Variants in ANO3 observed in about 807,000 individuals in gnomAD.
ANO3 encodes the protein anoctamin 3, also known as anoctamin-3.
ANO3 carries 99 observed loss-of-function variants against 144.8 expected under a neutral mutation model. The observed-to-expected ratio is 0.68, with a 90% CI of 0.58 to 0.81. ANO3 has a LOEUF of 0.81. Among genes scored for constraint, ANO3 ranks in the 30% least tolerant of loss-of-function variants. The pLI, the probability that ANO3 is intolerant of heterozygous loss-of-function variation, is 0.00. For synonymous variants in ANO3, 414 were observed against 392.6 expected (o/e 1.05, Z -0.64); for missense variants, 905 against 1,202.2 (o/e 0.75, Z 3.66).
At chr11:26,507,103 GA>G (rs1216581744) in intron 4 of ANO3, among the ~76,000 whole-genome samples, 1 of 152,202 alleles carries the variant, frequency 6.6e-6, no homozygotes, top group Non-Finnish European at 1.5e-5. Flanking sequence ...GGAGGCAGAA[GA>G]AATTGGGTTC....
chr11:26,350,640 AT>A (rs1433693005), intron 1 of ANO3, among the ~76,000 whole-genome samples: 1 of 152,080 alleles, frequency 6.6e-6, no homozygotes, highest in East Asian at 1.9e-4. Context: ...AGTTATATAT[AT>A]TTTGATATAA....
intron 1 of ANO3, among the ~76,000 whole-genome samples, chr11:26,267,778 A>G (rs1338021769): frequency 2.0e-5 from 3 of 152,144 alleles, no homozygotes; most frequent in Non-Finnish European, 4.4e-5. Flanking sequence ...TTATTTACAT[A>G]ATATTCCCTT....
chr11:26,580,765 T>C (rs1379946338), intron 14 of ANO3, among the ~76,000 whole-genome samples: 1 of 152,210 alleles, frequency 6.6e-6, no homozygotes, highest in Non-Finnish European at 1.5e-5. Context: ...CATAATCTTA[T>C]GAGTTTTGCC....
At chr11:26,542,198 C>A in intron 11 of ANO3, 130 bp downstream of exon 11, 2 of 990,382 alleles carry the variant, frequency 2.0e-6, no homozygotes, top group Non-Finnish European at 2.8e-6. Context: ...TAAGATTTTT[C>A]AGTAAAAGAA....
intron 17 of ANO3, among the ~76,000 whole-genome samples, chr11:26,603,737 G>C (rs1851861872): frequency 6.6e-6 from 1 of 152,026 alleles, no homozygotes; most frequent in South Asian, 2.1e-4. Flanking sequence ...TCCCTCAATA[G>C]TGAGAAAAAA....
At chr11:26,518,478 T>C (rs983665549) in intron 6 of ANO3, among the ~76,000 whole-genome samples, 2 of 152,080 alleles carry the variant, frequency 1.3e-5, no homozygotes, top group African/African-American at 4.8e-5. Context: ...CCTTTGTTTT[T>C]TCATAGTGGG....
intron 26 of ANO3, among the ~76,000 whole-genome samples, chr11:26,660,036 T>C (rs957062372): frequency 4.6e-5 from 7 of 152,180 alleles, no homozygotes; most frequent in African/African-American, 1.7e-4. Flanking sequence ...TATCAACATG[T>C]TGCAGCAATA....
chr11:26,196,765 G>A (rs899885811), intron 1 of ANO3, among the ~76,000 whole-genome samples: 1 of 152,108 alleles, frequency 6.6e-6, no homozygotes, highest in African/African-American at 2.4e-5. Flanking sequence ...CAGTCACATA[G>A]ATTTGAACTG....
At chr11:26,199,199 T>A (rs908997546) in intron 1 of ANO3, among the ~76,000 whole-genome samples, 1 of 152,056 alleles carries the variant, frequency 6.6e-6, no homozygotes, top group Non-Finnish European at 1.5e-5. Flanking sequence ...TCTAACAAAC[T>A]GTGGCCTTGA....
intron 4 of ANO3, among the ~76,000 whole-genome samples, chr11:26,471,585 CA>C (rs1859785256): frequency 6.6e-6 from 1 of 151,586 alleles, no homozygotes; most frequent in South Asian, 2.1e-4. Context: ...CCACCACCAT[CA>C]CAAAACAAAT....
At chr11:26,385,903 T>TATATATATATATATATATATATA (rs58078292) in intron 1 of ANO3, among the ~76,000 whole-genome samples, 100 of 148,858 alleles carry the variant, frequency 6.7e-4, no homozygotes, top group Non-Finnish European at 1.2e-3. Flanking sequence ...GTATATATAT[T>TATATATATATATATATATATATA]TATATACATA....
chr11:26,300,594 G>A (rs996525803), intron 1 of ANO3, among the ~76,000 whole-genome samples: 1 of 152,090 alleles, frequency 6.6e-6, no homozygotes, highest in Non-Finnish European at 1.5e-5. Context: ...CAGATAAAAA[G>A]GATTGGCCCA....
intron 1 of ANO3, among the ~76,000 whole-genome samples, chr11:26,400,938 G>C (rs1476900993): frequency 6.6e-6 from 1 of 151,468 alleles, no homozygotes; most frequent in Non-Finnish European, 1.5e-5. Context: ...AAAATACCAA[G>C]TTGCTTCCAT....
intron 1 of ANO3, among the ~76,000 whole-genome samples, chr11:26,352,730 T>G (rs1032629112): frequency 1.3e-5 from 2 of 152,374 alleles, no homozygotes; most frequent in East Asian, 1.9e-4. Context: ...ATCACTAGTT[T>G]GTTGACTTAC....
At chr11:26,498,133 T>A (rs1054182574) in intron 4 of ANO3, among the ~76,000 whole-genome samples, 1 of 152,050 alleles carries the variant, frequency 6.6e-6, no homozygotes, top group African/African-American at 2.4e-5. Context: ...GAATCACCAG[T>A]TCAATTTAAT....
At chr11:26,472,293 TTAATAA>T (rs145147372) in intron 4 of ANO3, among the ~76,000 whole-genome samples, 1 of 151,930 alleles carries the variant, frequency 6.6e-6, no homozygotes, top group Admixed American at 6.6e-5. Flanking sequence ...AGTTTCAATA[TTAATAA>T]TAATAATGTT....
At chr11:26,250,031 C>G (rs1212217079) in intron 1 of ANO3, among the ~76,000 whole-genome samples, 4 of 152,188 alleles carry the variant, frequency 2.6e-5, no homozygotes, top group Admixed American at 2.6e-4. Flanking sequence ...ACATCACTGT[C>G]CCTGTCGCTT....
At chr11:26,554,271 T>C (rs928398049) in intron 13 of ANO3, among the ~76,000 whole-genome samples, 1 of 152,196 alleles carries the variant, frequency 6.6e-6, no homozygotes, top group Non-Finnish European at 1.5e-5. Context: ...ATAGATCATT[T>C]TTATTGCTGA....
At chr11:26,587,326 CTA>C (rs954675869) in intron 14 of ANO3, among the ~76,000 whole-genome samples, 2 of 152,172 alleles carry the variant, frequency 1.3e-5, no homozygotes, top group African/African-American at 4.8e-5. Flanking sequence ...GCCTTTCCTC[CTA>C]TGTTTATACA....
Sources: allele counts gnomAD v4.1 joint callset (sites outside exome capture counted in the v4.1 genomes callset), GRCh38; gene constraint gnomAD v4.1.1; transcripts MANE v1.5; gene names NCBI Gene and HGNC (gene_info 2026-07-23, HGNC 2026-07-21).